Variants in PRKCE observed in about 807,000 individuals in gnomAD.
The protein encoded by PRKCE is protein kinase C epsilon type.
A neutral mutation model predicts 85.4 loss-of-function variants in PRKCE; 16 were observed. The ratio of observed to expected loss-of-function variants is 0.19; its 90% CI spans 0.13 to 0.28. PRKCE has a LOEUF of 0.28. Ranked by LOEUF, PRKCE falls within the 10% of genes least tolerant of loss-of-function variation. The pLI, the probability that PRKCE is intolerant of heterozygous loss-of-function variation, is 1.00. For synonymous variants in PRKCE, 388 were observed against 371.5 expected, an observed-to-expected ratio of 1.04 and a Z score of -0.51; for missense variants, 573 against 975.2, an observed-to-expected ratio of 0.59 and a Z score of 5.49.
chr2:46,034,046 G>A (rs1440952141), intron 10 of PRKCE, among the ~76,000 whole-genome samples: 1 of 152,206 alleles, frequency 6.6e-6, no homozygotes, highest in East Asian at 1.9e-4. Context: ...CCAGCCCACT[G>A]ACAGTGGGTA....
chr2:45,717,960 A>T (rs1235470687), intron 1 of PRKCE, among the ~76,000 whole-genome samples: 3 of 152,214 alleles, frequency 2.0e-5, no homozygotes, highest in Non-Finnish European at 4.4e-5. Context: ...ATATGAGCAA[A>T]GATGGGCCCC....
chr2:45,686,106 G>C (rs1558556408), intron 1 of PRKCE, among the ~76,000 whole-genome samples: 1 of 152,102 alleles, frequency 6.6e-6, no homozygotes, highest in Non-Finnish European at 1.5e-5. Context: ...TATGAAGCCT[G>C]GCAAGTTTTA....
At chr2:46,043,448 A>T (rs1708334390) in intron 10 of PRKCE, among the ~76,000 whole-genome samples, 1 of 152,216 alleles carries the variant, frequency 6.6e-6, no homozygotes, top group Non-Finnish European at 1.5e-5. Flanking sequence ...ACCCATTGAT[A>T]TCTTTTTAAT....
chr2:45,655,846 GAAAAAAAAAAAAAAA>G (rs34853762), intron 1 of PRKCE, among the ~76,000 whole-genome samples: 5 of 66,260 alleles, frequency 7.5e-5, no homozygotes, highest in African/African-American at 2.0e-4. Flanking sequence ...CCTGTCTCTT[GAAAAAAAAAAAAAAA>G]AAAAAAAAAA....
At position 46,187,982 on chromosome 2, in the gene PRKCE, TAA is replaced by T. The variant is rs1358909342; in HGVS notation, c.*3102_*3103del. On this transcript the variant is annotated 3_prime_UTR_variant, in exon 15 of 15. Transcript: ENST00000306156. ...CAGAACCTAATAAATACAATGACGT[TAA>T]GTCTTATTTTCAGTGCCAATAAGAA... The T allele has an allele frequency of 1.3e-5, 2 of 152,656 alleles. No individual in the cohort carries two copies. Among genetic ancestry groups the T allele is most frequent in the African/African-American group, 2.4e-5 (1 of 41,458 alleles). The allele number at this position is 152,656 out of a possible 1,614,324, so 9.5% of individuals were successfully genotyped here. A position where few individuals can be genotyped will look rare whatever the true frequency, so the allele number is the denominator to read the frequency against.
In PRKCE at chr2:46,004,289, C is replaced by T; in HGVS notation, c.967-253C>T. 4.6e-6 allele frequency: 2 copies of T among 431,526 alleles called. No homozygotes were observed. The highest frequency in any genetic ancestry group is 8.7e-6 in the Non-Finnish European group (2 of 228,794). 26.7% of individuals were successfully genotyped at this position (431,526 alleles called of 1,614,324 possible). A position where few individuals can be genotyped will look rare whatever the true frequency, so the allele number is the denominator to read the frequency against. On this transcript the variant is annotated intron_variant, in intron 7 of 14. Transcript: ENST00000306156. This position sits in a 1 kb window ranked among gnomAD's most constrained non-coding sequence, Gnocchi z 4.1. ...TCAGCTCTTTGGAATGAGGGGAAGA[C>T]ATCATCCTTCTGTGAATGTAGGGAA... is the stretch of plus-strand genomic sequence containing the variant.
chr2:45,701,422 A>G (rs1399097155), intron 1 of PRKCE: 1 of 152,202 alleles, frequency 6.6e-6, no homozygotes, highest in Non-Finnish European at 1.5e-5. Context: ...GCTGAAAAAA[A>G]TGCTCCCATC....
At chr2:46,154,151 G>A (rs974023413) in intron 13 of PRKCE, among the ~76,000 whole-genome samples, 7 of 152,102 alleles carry the variant, frequency 4.6e-5, no homozygotes, top group Non-Finnish European at 1.0e-4. Flanking sequence ...CTAACCCTCG[G>A]AGGACCAGAC....
chr2:46,104,649 C>G (rs141182351), intron 11 of PRKCE, among the ~76,000 whole-genome samples: 111 of 152,220 alleles, frequency 7.3e-4, no homozygotes, highest in African/African-American at 2.3e-3. Context: ...ACTTTGACTT[C>G]TTTGATGTTC....
At position 45,675,159 on chromosome 2, in the gene PRKCE, C is replaced by A. The variant is rs903586334; in HGVS notation, c.348+22711C>A. Among the ~76,000 whole-genome samples, 4 of 152,138 alleles carry A rather than the reference C, an allele frequency of 2.6e-5. 1 individual carries two copies. Among genetic ancestry groups the A allele is most frequent in the African/African-American group, 9.7e-5 (4 of 41,436 alleles). On this transcript the variant is annotated intron_variant, in intron 1 of 14. Transcript: ENST00000306156. ...CCTCATCAATTATAAAGAGAAAAAT[C>A]CCCTGTAAGTTACAAAACAAAATAG...
intron 2 of PRKCE, among the ~76,000 whole-genome samples, chr2:45,906,880 G>T (rs1422149307): frequency 1.3e-5 from 2 of 152,212 alleles, no homozygotes; most frequent in African/African-American, 4.8e-5. Flanking sequence ...TCAGAGATGG[G>T]TCACACCCTG....
chr2:46,167,199 A>C (rs79580409), intron 14 of PRKCE, among the ~76,000 whole-genome samples: 3,290 of 152,234 alleles, frequency 0.022, 97 homozygotes, highest in African/African-American at 0.075. Flanking sequence ...AGATGCAACC[A>C]GGTTCTAATT....
chr2:46,085,436 T>A (rs1307751942), intron 10 of PRKCE, among the ~76,000 whole-genome samples: 3 of 152,222 alleles, frequency 2.0e-5, no homozygotes, highest in African/African-American at 7.2e-5. Context: ...CTCTGGCAGT[T>A]CTGGAAGCCA....
chr2:45,770,052 G>A (rs1685192486), intron 1 of PRKCE, among the ~76,000 whole-genome samples: 1 of 152,244 alleles, frequency 6.6e-6, no homozygotes, highest in African/African-American at 2.4e-5. Context: ...AGTTCTGCAA[G>A]AGGTGGGGCT....
intron 10 of PRKCE, among the ~76,000 whole-genome samples, chr2:46,020,700 C>T (rs1041681453): frequency 6.6e-6 from 1 of 152,166 alleles, no homozygotes; most frequent in African/African-American, 2.4e-5. Context: ...ACTGGGATGT[C>T]ACACTACTTC....
At chr2:45,962,065 C>G (rs545272914) in intron 2 of PRKCE, among the ~76,000 whole-genome samples, 91 of 152,346 alleles carry the variant, frequency 6.0e-4, no homozygotes, top group African/African-American at 1.7e-3. Context: ...CCAGGTACTG[C>G]TTAAACCAAA....
chr2:45,880,960 G>C (rs1369939847), intron 2 of PRKCE, among the ~76,000 whole-genome samples: 4 of 151,942 alleles, frequency 2.6e-5, no homozygotes, highest in East Asian at 1.9e-4. Context: ...GAGACCATCC[G>C]GGCTAAAACG....
chr2:45,783,667 G>T (rs1344963417), intron 1 of PRKCE, among the ~76,000 whole-genome samples: 1 of 152,198 alleles, frequency 6.6e-6, no homozygotes, highest in Non-Finnish European at 1.5e-5. Flanking sequence ...TGCTAGCCAA[G>T]AACTCAGTTT....
intron 2 of PRKCE, among the ~76,000 whole-genome samples, chr2:45,900,151 CTG>C (rs1344466871): frequency 6.6e-6 from 1 of 152,170 alleles, no homozygotes; most frequent in Non-Finnish European, 1.5e-5. Context: ...GAAATGGAAA[CTG>C]TTGTTTGTTG....
Sources: allele counts gnomAD v4.1 joint callset (sites outside exome capture counted in the v4.1 genomes callset), GRCh38; gene constraint gnomAD v4.1.1; non-coding constraint Gnocchi (gnomAD v3.1); transcripts MANE v1.5; gene names NCBI Gene and HGNC (gene_info 2026-07-23, HGNC 2026-07-21).